AKT3: variants seen among roughly 807,000 people sequenced by gnomAD.
AKT3 encodes the protein RAC-gamma serine/threonine-protein kinase.
In AKT3, 15 loss-of-function variants were observed where a neutral mutation model predicts 65.3. The ratio of observed to expected loss-of-function variants is 0.23; its 90% CI spans 0.15 to 0.35. The LOEUF (loss-of-function observed/expected upper bound fraction) is 0.35. AKT3 is among the 10% of genes least tolerant of loss of function. The probability of loss-of-function intolerance (pLI) is 1.00; values close to 1 mark genes in which losing one functional copy is unlikely to be tolerated. For missense variants in AKT3, 243 were observed against 576.5 expected, an observed-to-expected ratio of 0.42 and a Z score of 5.92; for synonymous variants, 206 against 183.8, an observed-to-expected ratio of 1.12 and a Z score of -0.98.
At position 243,500,597 on chromosome 1, in the gene AKT3, G is replaced by GTATC. The variant is rs1669190752; in HGVS notation, c.*4648_*4651dup. ...AAACGGACACTGGACATACCGTGTTGTATCTGAGAATGACAAACACTAAAG... is the reference window on the plus strand; with the variant it reads ...AAACGGACACTGGACATACCGTGTTGTATCTATCTGAGAATGACAAACACTAAAG... On this transcript the variant is annotated 3_prime_UTR_variant, in exon 14 of 14. Coordinates refer to ENST00000673466, the MANE Select transcript of AKT3 (RefSeq NM_005465.7). 1 of 229,222 alleles carries GTATC rather than the reference G, an allele frequency of 4.4e-6. No homozygotes were observed. The highest frequency in any genetic ancestry group is 2.2e-5 in the African/African-American group (1 of 45,214). 14.2% of individuals were successfully genotyped at this position (229,222 alleles called of 1,614,324 possible).
At chr1:243,573,901 G>A (rs1674738409) in intron 8 of AKT3, among the ~76,000 whole-genome samples, 1 of 152,046 alleles carries the variant, frequency 6.6e-6, no homozygotes, top group South Asian at 2.1e-4. Flanking sequence ...ATCTCAATTG[G>A]ACAACATACA....
intron 2 of AKT3, among the ~76,000 whole-genome samples, chr1:243,824,562 C>A (rs1394762338): frequency 5.3e-5 from 8 of 150,558 alleles, no homozygotes; most frequent in Non-Finnish European, 7.4e-5. Context: ...ATTTTCAAGA[C>A]AAAAAAAACT....
At chr1:243,730,108 C>T (rs1406728164) in intron 2 of AKT3, among the ~76,000 whole-genome samples, 3 of 152,162 alleles carry the variant, frequency 2.0e-5, no homozygotes, top group Non-Finnish European at 4.4e-5. Context: ...GGGAGAATTT[C>T]CTTTACGCCT....
At chr1:243,804,499 A>C (rs1692594726) in intron 2 of AKT3, among the ~76,000 whole-genome samples, 1 of 152,250 alleles carries the variant, frequency 6.6e-6, no homozygotes, top group African/African-American at 2.4e-5. Flanking sequence ...TCACATAGTT[A>C]TCATTTTTGT....
intron 12 of AKT3, among the ~76,000 whole-genome samples, chr1:243,544,083 A>G (rs1672493114): frequency 6.6e-6 from 1 of 152,192 alleles, no homozygotes; most frequent in African/African-American, 2.4e-5. Flanking sequence ...AAAAATATGA[A>G]ATGTTGGAAT....
chr1:243,781,691 TTTAG>T (rs1213824024), intron 2 of AKT3, among the ~76,000 whole-genome samples: 1 of 152,180 alleles, frequency 6.6e-6, no homozygotes, highest in African/African-American at 2.4e-5. Context: ...ATCTAATACC[TTTAG>T]TAAGTATCTA....
intron 12 of AKT3, among the ~76,000 whole-genome samples, chr1:243,525,092 A>C (rs1670959543): frequency 6.6e-6 from 1 of 152,288 alleles, no homozygotes. Flanking sequence ...CAAAGAGAAG[A>C]AGCCCTAAAA....
chr1:243,849,613 C>T (rs951757349), intron 1 of AKT3, among the ~76,000 whole-genome samples: 5 of 151,802 alleles, frequency 3.3e-5, no homozygotes, highest in Admixed American at 2.0e-4. Context: ...CGCCCCCGGT[C>T]CAGGCGGGCG....
At position 243,526,778 on chromosome 1, in the gene AKT3, TTAAAAAAAAAAAAAAAAAAAAAAA is replaced by T. The variant is rs781425058; in HGVS notation, c.1252-14376_1252-14353del. ...TTGCCAGCTGCACTACAAAAAATGG[TTAAAAAAAAAAAAAAAAAAAAAAA>T]AAAAAAAAAAAAATTTAGACTGAAC... is the stretch of plus-strand genomic sequence containing the variant. On this transcript the variant is annotated intron_variant, in intron 12 of 13. Transcript: ENST00000673466. Among the ~76,000 whole-genome samples, 114 of 55,728 alleles carry T rather than the reference TTAAAAAAAAAAAAAAAAAAAAAAA, an allele frequency of 2.0e-3. 2 individuals carry two copies. Among genetic ancestry groups the T allele is most frequent in the African/African-American group, 4.5e-3 (75 of 16,500 alleles). 36.6% of individuals were successfully genotyped at this position (55,728 alleles called of 152,430 possible).
At chr1:243,668,986 A>T (rs1429556145) in intron 3 of AKT3, among the ~76,000 whole-genome samples, 2 of 152,196 alleles carry the variant, frequency 1.3e-5, no homozygotes, top group African/African-American at 4.8e-5. Flanking sequence ...CAAAATATAT[A>T]TTCCACAAAA....
At chr1:243,651,563 A>G (rs551502277) in intron 4 of AKT3, among the ~76,000 whole-genome samples, 1 of 152,302 alleles carries the variant, frequency 6.6e-6, no homozygotes, top group African/African-American at 2.4e-5. Flanking sequence ...TTTGAGATAC[A>G]TTCCATCGAT....
chr1:243,513,644 T>C (rs1574511802), intron 12 of AKT3, among the ~76,000 whole-genome samples: 3 of 152,192 alleles, frequency 2.0e-5, no homozygotes, highest in African/African-American at 7.2e-5. Context: ...CTACAAAGCA[T>C]TCTTAATCTC....
At chr1:243,831,059 T>C (rs563037048) in intron 2 of AKT3, among the ~76,000 whole-genome samples, 1 of 152,314 alleles carries the variant, frequency 6.6e-6, no homozygotes, top group East Asian at 1.9e-4. Flanking sequence ...GTTTCCTACC[T>C]TGCCTCAGCT....
intron 8 of AKT3, among the ~76,000 whole-genome samples, chr1:243,600,383 T>C (rs1676921686): frequency 6.6e-6 from 1 of 152,112 alleles, no homozygotes; most frequent in Non-Finnish European, 1.5e-5. Flanking sequence ...AATTGAAAGA[T>C]TCAAGCTGCC....
At chr1:243,587,579 C>G (rs974643581) in intron 8 of AKT3, among the ~76,000 whole-genome samples, 3 of 152,108 alleles carry the variant, frequency 2.0e-5, no homozygotes, top group Admixed American at 1.3e-4. Context: ...CCACTGCACT[C>G]CAGCCCAGGT....
intron 2 of AKT3, among the ~76,000 whole-genome samples, chr1:243,768,080 A>G (rs1305366861): frequency 6.6e-6 from 1 of 151,528 alleles, no homozygotes; most frequent in East Asian, 1.9e-4. Flanking sequence ...GCCATAAACT[A>G]TAATTTAAAA....
At position 243,538,645 on chromosome 1, in the gene AKT3, G is replaced by A. The variant is rs1447858384; in HGVS notation, c.1251+6865C>T. Among the ~76,000 whole-genome samples, 3 of 152,032 alleles carry A rather than the reference G, an allele frequency of 2.0e-5. No individual in the cohort carries two copies. The East Asian group carries it at 5.8e-4, about 29-fold the overall frequency. ...TGGAGTACTTATATTAATATCAGAT[G>A]AAGTAGATGTCAAAACAAATATTGC... On this transcript the variant is annotated intron_variant, in intron 12 of 13. Transcript: ENST00000673466.
chr1:243,565,230 TA>T (rs893484002), intron 9 of AKT3, among the ~76,000 whole-genome samples: 11 of 151,890 alleles, frequency 7.2e-5, no homozygotes, highest in Non-Finnish European at 1.3e-4. Flanking sequence ...GCTGAACCTT[TA>T]AAAAAAAATT....
At chr1:243,825,274 C>A (rs1694100749) in intron 2 of AKT3, among the ~76,000 whole-genome samples, 1 of 152,044 alleles carries the variant, frequency 6.6e-6, no homozygotes, top group Non-Finnish European at 1.5e-5. Flanking sequence ...GAAAGAGCAT[C>A]AGGATAAATA....
Sources: allele counts gnomAD v4.1 joint callset (sites outside exome capture counted in the v4.1 genomes callset), GRCh38; gene constraint gnomAD v4.1.1; transcripts MANE v1.5; gene names NCBI Gene and HGNC (gene_info 2026-07-23, HGNC 2026-07-21).